PREX1: variants seen among roughly 807,000 people sequenced by gnomAD.
PREX1 encodes the protein phosphatidylinositol-3,4,5-trisphosphate dependent Rac exchange factor 1.
PREX1 carries 41 observed loss-of-function variants against 198.3 expected under a neutral mutation model. The observed-to-expected ratio is 0.21, with a 90% CI of 0.16 to 0.27. PREX1 has a LOEUF of 0.27. Ranked by LOEUF, PREX1 falls within the 10% of genes least tolerant of loss-of-function variation. The probability of loss-of-function intolerance (pLI) is 1.00; values close to 1 mark genes in which losing one functional copy is unlikely to be tolerated. For missense variants in PREX1, 1,620 were observed against 2,200.7 expected (o/e 0.74, Z 5.28); for synonymous variants, 843 against 887.2 (o/e 0.95, Z 0.89).
intron 15 of PREX1, among the ~76,000 whole-genome samples, chr20:48,665,079 C>G (rs2089627653): frequency 6.7e-6 from 1 of 148,402 alleles, no homozygotes; most frequent in African/African-American, 2.5e-5. Flanking sequence ...CTCCAGACGG[C>G]CTGAATTCTA....
the PREX1 span, among the ~76,000 whole-genome samples, chr20:48,875,692 C>T: frequency 6.6e-6 from 1 of 152,050 alleles, no homozygotes; most frequent in Non-Finnish European, 1.5e-5. Flanking sequence ...GAAAAAGGCA[C>T]AGGAGAGAAG....
chr20:48,694,500 A>G (rs1246996679), intron 7 of PREX1, among the ~76,000 whole-genome samples: 3 of 152,226 alleles, frequency 2.0e-5, no homozygotes, highest in Admixed American at 6.5e-5. Context: ...GTCCCTAAGC[A>G]AGGTAAACCA....
intron 1 of PREX1, among the ~76,000 whole-genome samples, chr20:48,774,375 G>A (rs1568859429): frequency 6.6e-6 from 1 of 152,200 alleles, no homozygotes; most frequent in Non-Finnish European, 1.5e-5. Flanking sequence ...ATCTCTGTGT[G>A]TCTTCCACTT....
intron 4 of PREX1, among the ~76,000 whole-genome samples, chr20:48,731,774 T>G (rs1233572436): frequency 4.6e-5 from 7 of 152,094 alleles, no homozygotes; most frequent in Non-Finnish European, 8.8e-5. Context: ...CCACGCATCC[T>G]CCCCTGCCCA....
At chr20:48,689,777 T>G (rs556513393) in intron 9 of PREX1, among the ~76,000 whole-genome samples, 10 of 152,162 alleles carry the variant, frequency 6.6e-5, no homozygotes, top group Non-Finnish European at 1.2e-4. Flanking sequence ...GGTGCAACGT[T>G]TAGGATCAGA....
At chr20:48,714,140 A>G (rs910667645) in intron 5 of PREX1, among the ~76,000 whole-genome samples, 1 of 152,208 alleles carries the variant, frequency 6.6e-6, no homozygotes, top group Non-Finnish European at 1.5e-5. Context: ...CTGTCAGAGA[A>G]AACACAGGAG....
Position 48,636,869 on chromosome 20 carries a change from C to T in PREX1, c.3947-186G>A, listed in dbSNP as rs574125070. ...GCCAATTCCACAAAAATCAATTCTA[C>T]GAAAAGCAAGCCCATTTGCCAAAAC... On this transcript the variant is annotated intron_variant, in intron 31 of 39. Coordinates refer to ENST00000371941, the MANE Select transcript of PREX1 (RefSeq NM_020820.4). Among the ~76,000 whole-genome samples, 11 of 152,348 alleles carry T rather than the reference C, an allele frequency of 7.2e-5. No homozygotes were observed. The South Asian group carries it at 1.7e-3, about 23-fold the overall frequency.
chr20:48,659,886 A>G, intron 16 of PREX1, 33 bp downstream of exon 16: 1 of 1,613,078 alleles, frequency 6.2e-7, no homozygotes. Flanking sequence ...GGGCTCTGGC[A>G]AGGAAGGGAC....
chr20:48,732,490 A>C (rs79635386), intron 4 of PREX1, among the ~76,000 whole-genome samples: 1 of 152,300 alleles, frequency 6.6e-6, no homozygotes, highest in East Asian at 1.9e-4. Flanking sequence ...TTGGGAAAAC[A>C]AACAGTATGG....
chr20:48,708,438 G>A lies in PREX1; in HGVS notation c.622-17C>T. The stretch of plus-strand genomic sequence containing the variant: ...GGCCAGCTCCTGGGGTAGAATAGAG[G>A]TGGGGAGAAGAAAGCAAGACATCAA... On this transcript the variant is annotated splice_polypyrimidine_tract_variant and intron_variant, in intron 5 of 39. Transcript: ENST00000371941. 1.2e-6 allele frequency: 2 copies of A among 1,612,866 alleles called. No homozygotes were observed. Among genetic ancestry groups the A allele is most frequent in the Non-Finnish European group, 1.7e-6 (2 of 1,179,044 alleles).
Position 48,704,493 on chromosome 20 carries a change from C to T in PREX1, c.784-3607G>A, listed in dbSNP as rs2089892551. On this transcript the variant is annotated intron_variant, in intron 6 of 39. Transcript: ENST00000371941. ...TAAACCAGGGCTGCCAGAGCCAGAGCCAGAGCCAGAAAATGGAGTGCCTTC... is the reference window on the plus strand; with the variant it reads ...TAAACCAGGGCTGCCAGAGCCAGAGTCAGAGCCAGAAAATGGAGTGCCTTC... Among the ~76,000 whole-genome samples the T allele has an allele frequency of 2.7e-5, 4 of 150,934 alleles. No homozygotes were observed. The Admixed American group carries it at 2.7e-4, about 10-fold the overall frequency.
chr20:48,655,304 T>C lies in PREX1; in HGVS notation c.2195A>G (p.Tyr732Cys), dbSNP rs375108188. 4.7e-5 allele frequency: 74 copies of C among 1,586,040 alleles called. No individual in the cohort carries two copies. In the African/African-American group the frequency reaches 6.2e-4, roughly 13 times the overall value. Residue 732 changes from tyrosine to cysteine, a missense_variant, in exon 19 of 40, where the codon TAT (tyrosine) becomes TGT (cysteine). Transcript: ENST00000371941. ...CTCCCACTCACCTCTCCCCACAGCA[T>C]AGACGTACGGTGGGGCAGCTCCACG... ...QIRGAAPPYVYAVGRGSEAMA... is the reference protein window; with the variant it reads ...QIRGAAPPYVCAVGRGSEAMA...
Position 48,625,926 on chromosome 20 carries a change from G to T in PREX1, c.4939C>A (p.Leu1647Ile). 2 of 1,554,852 alleles carry T rather than the reference G, an allele frequency of 1.3e-6. No individual in the cohort carries two copies. The highest frequency in any genetic ancestry group is 1.4e-5 in the African/African-American group (1 of 71,120). The stretch of plus-strand genomic sequence containing the variant: ...ACCGGCGGCTGGCAGAGGCGGTAGA[G>T]GCTGGGGATGGAGGCAAAGAGAATG... ...KDQMPQGAPR[L>I]YRLCQPPVDG... The change falls in exon 40 of 40, where the codon CTC (leucine) becomes ATC (isoleucine). Residue 1647 changes from leucine to isoleucine, a missense_variant and splice_region_variant. Around this residue, in one of 7 missense-constraint regions of PREX1, gnomAD observed 476 missense variants for 603.4 expected, o/e 0.79. Transcript: ENST00000371941.
intron 1 of PREX1, among the ~76,000 whole-genome samples, chr20:48,761,031 G>A (rs2122839593): frequency 6.6e-6 from 1 of 152,244 alleles, no homozygotes; most frequent in Non-Finnish European, 1.5e-5. Context: ...ACTAAAGCAG[G>A]GTAAGAAAAC....
upstream of PREX1, among the ~76,000 whole-genome samples, chr20:48,829,963 C>T (rs1160422257): frequency 2.0e-5 from 3 of 152,200 alleles, no homozygotes; most frequent in South Asian, 2.1e-4. Flanking sequence ...TTTGGAGTCA[C>T]ATAACTCTTT....
intron 30 of PREX1, among the ~76,000 whole-genome samples, chr20:48,639,111 G>A (rs2089388631): frequency 6.6e-6 from 1 of 152,254 alleles, no homozygotes; most frequent in Non-Finnish European, 1.5e-5. Context: ...GGCCAGGCAG[G>A]TGATGTAAGA....
At chr20:48,780,781 G>A (rs949437670) in intron 1 of PREX1, among the ~76,000 whole-genome samples, 7 of 152,194 alleles carry the variant, frequency 4.6e-5, no homozygotes, top group African/African-American at 1.7e-4. Context: ...AGTGGGCAAA[G>A]GTTCAAACAA....
the PREX1 span, among the ~76,000 whole-genome samples, chr20:48,840,843 G>A: frequency 6.6e-6 from 1 of 152,116 alleles, no homozygotes. Flanking sequence ...TTTATTTAGA[G>A]ACAGGGTCTT....
In PREX1 at chr20:48,646,014, C is replaced by G. The variant is rs376311381; in HGVS notation, c.3349G>C (p.Asp1117His). 1 of 1,614,140 alleles carries G rather than the reference C, an allele frequency of 6.2e-7. No homozygotes were observed. Among genetic ancestry groups the G allele is most frequent in the African/African-American group, 1.3e-5 (1 of 75,054 alleles). Reference sequence around the variant, plus strand: ...GAGGCCTCCTCAGCCAAGGATGCGTCGCAGGACCCACCCGAGGTGGGCTCT... The same window carrying G: ...GAGGCCTCCTCAGCCAAGGATGCGTGGCAGGACCCACCCGAGGTGGGCTCT... ...ITEPTSGGSC[D>H]ASLAEEASSL... The change falls in exon 26 of 40, where the codon GAC becomes CAC. Residue 1117 changes from aspartate (D) to histidine (H), a missense_variant. Coordinates refer to ENST00000371941, the MANE Select transcript of PREX1 (RefSeq NM_020820.4).
Sources: allele counts gnomAD v4.1 joint callset (sites outside exome capture counted in the v4.1 genomes callset), GRCh38; gene constraint gnomAD v4.1.1; regional missense constraint gnomAD v4.1.1; transcripts MANE v1.5; gene names NCBI Gene and HGNC (gene_info 2026-07-23, HGNC 2026-07-21).